Variants in SLC12A7 observed in about 807,000 individuals in gnomAD.
SLC12A7 encodes K-Cl cotransporter 4.
SLC12A7 carries 100 observed loss-of-function variants against 120.6 expected under a neutral mutation model. The observed-to-expected ratio is 0.83, with a 90% CI of 0.71 to 0.98. The LOEUF (loss-of-function observed/expected upper bound fraction) is 0.98. Ranked by LOEUF, SLC12A7 falls within the 50% of genes least tolerant of loss-of-function variation. The probability of loss-of-function intolerance (pLI) is 0.00; values close to 1 mark genes in which losing one functional copy is unlikely to be tolerated. For missense variants in SLC12A7, 1,373 were observed against 1,548.1 expected (o/e 0.89, Z 1.90); for synonymous variants, 760 against 678.0 (o/e 1.12, Z -1.88).
chr5:1,114,208 C>A (rs1052669348), upstream of SLC12A7, among the ~76,000 whole-genome samples: 1 of 152,250 alleles, frequency 6.6e-6, no homozygotes, highest in Non-Finnish European at 1.5e-5. Flanking sequence ...GACCAGGGGC[C>A]ATGGCTGAAG....
upstream of SLC12A7, among the ~76,000 whole-genome samples, chr5:1,114,329 T>C (rs567733841): frequency 1.2e-4 from 19 of 152,126 alleles, no homozygotes; most frequent in Non-Finnish European, 2.6e-4. Flanking sequence ...TCTGCTGCCT[T>C]TTGCATTCTA....
the SLC12A7 span, among the ~76,000 whole-genome samples, chr5:1,155,006 G>C: frequency 6.6e-6 from 1 of 152,210 alleles, no homozygotes; most frequent in South Asian, 2.1e-4. Flanking sequence ...CTGGCGGGGG[G>C]CACTCCATGG....
At chr5:1,099,420 G>GGAAGGCAGGCATCCT (rs1741763885) in intron 1 of SLC12A7, among the ~76,000 whole-genome samples, 1 of 142,046 alleles carries the variant, frequency 7.0e-6, no homozygotes, top group African/African-American at 3.1e-5. Flanking sequence ...CTCCTCTGGG[G>GGAAGGCAGGCATCCT]CACGGACATC....
chr5:1,079,246 C>T, intron 10 of SLC12A7, 152 bp downstream of exon 10: 1 of 636,592 alleles, frequency 1.6e-6, no homozygotes, highest in Non-Finnish European at 2.8e-6. Flanking sequence ...AGCCCTTGCC[C>T]CGTCTCCCAG....
chr5:1,056,715 GC>G, intron 22 of SLC12A7: 1 of 310,750 alleles, frequency 3.2e-6, no homozygotes, highest in Non-Finnish European at 4.7e-6. Flanking sequence ...GGGCCCAGGA[GC>G]CCCCAGCCCT....
chr5:1,109,676 AC>A (rs1164473783), intron 1 of SLC12A7, among the ~76,000 whole-genome samples: 4 of 151,892 alleles, frequency 2.6e-5, no homozygotes, highest in South Asian at 2.1e-4. Flanking sequence ...TTTCCCCAGA[AC>A]CCCCCAACCC....
intron 1 of SLC12A7, among the ~76,000 whole-genome samples, chr5:1,108,029 T>TACACACAC (rs59652318): frequency 0.011 from 1,636 of 151,462 alleles, 15 homozygotes; most frequent in African/African-American, 0.021. Flanking sequence ...AACACACACA[T>TACACACAC]ACACACACAC....
chr5:1,127,392 C>T, the SLC12A7 span, among the ~76,000 whole-genome samples: 1 of 152,222 alleles, frequency 6.6e-6, no homozygotes, highest in Non-Finnish European at 1.5e-5. Context: ...GAGGCAGAGG[C>T]TGAGGCGATG....
In SLC12A7 at chr5:1,052,342, C is replaced by G. The variant is rs750226125; in HGVS notation, c.*18G>C. 4 of 1,605,770 alleles carry G rather than the reference C, an allele frequency of 2.5e-6. No individual in the cohort carries two copies. In the African/African-American group the frequency reaches 5.4e-5, roughly 21 times the overall value. ...CGTCCTCCGTGCCTGTCCCAGAGTGCCGTGATGCTGTTGGGCATTAGGAGT... is the reference window on the plus strand; with the variant it reads ...CGTCCTCCGTGCCTGTCCCAGAGTGGCGTGATGCTGTTGGGCATTAGGAGT... On this transcript the variant is annotated 3_prime_UTR_variant, in exon 24 of 24. Coordinates refer to ENST00000264930, the MANE Select transcript of SLC12A7 (RefSeq NM_006598.3).
the SLC12A7 span, among the ~76,000 whole-genome samples, chr5:1,125,033 A>G: frequency 3.9e-5 from 6 of 152,194 alleles, no homozygotes; most frequent in Non-Finnish European, 7.3e-5. Flanking sequence ...TGAACAACCC[A>G]TAAGCAAGAC....
intron 1 of SLC12A7, among the ~76,000 whole-genome samples, chr5:1,106,593 G>A (rs1388553395): frequency 6.6e-6 from 1 of 152,224 alleles, no homozygotes; most frequent in Non-Finnish European, 1.5e-5. Context: ...CAGCTGGGGG[G>A]TCACCCTGGG....
In SLC12A7 at chr5:1,093,603, T is replaced by C. The variant is rs1401432105; in HGVS notation, c.272A>G (p.Asn91Ser). 4.3e-6 allele frequency: 7 copies of C among 1,612,904 alleles called. No homozygotes were observed. Among genetic ancestry groups the C allele is most frequent in the South Asian group, 2.2e-5 (2 of 91,030 alleles). Residue 91 changes from asparagine to serine, a missense_variant, in exon 3 of 24, where the codon AAC becomes AGC. Coordinates refer to ENST00000264930, the MANE Select transcript of SLC12A7 (RefSeq NM_006598.3). ...MVSSLLNKLANYTNLSQGVVE... is the reference protein window; with the variant it reads ...MVSSLLNKLASYTNLSQGVVE... ...CACGCCCTGGCTCAGGTTGGTGTAG[T>C]TGGCCAGCTTGTTGAGCAGCGAGGA...
At chr5:1,122,258 C>T in the SLC12A7 span, among the ~76,000 whole-genome samples, 1 of 152,128 alleles carries the variant, frequency 6.6e-6, no homozygotes, top group Non-Finnish European at 1.5e-5. Context: ...ACCAGAACCC[C>T]CGGCAGGGCT....
At chr5:1,078,627 C>T (rs1270677797) in intron 11 of SLC12A7, 74 bp downstream of exon 11, 1 of 1,281,524 alleles carries the variant, frequency 7.8e-7, no homozygotes, top group African/African-American at 1.5e-5. Context: ...GATGTAATTT[C>T]AAAGCCGAAT....
intron 1 of SLC12A7, among the ~76,000 whole-genome samples, chr5:1,104,641 C>A (rs547525831): frequency 5.5e-4 from 82 of 149,732 alleles, no homozygotes; most frequent in Middle Eastern, 6.8e-3. Context: ...CATCCCGGAC[C>A]CCAGGACCAC....
chr5:1,111,501 C>A (rs1338749640), intron 1 of SLC12A7, among the ~76,000 whole-genome samples: 3 of 152,116 alleles, frequency 2.0e-5, no homozygotes, highest in African/African-American at 7.2e-5. Context: ...CCCCGGCTCC[C>A]GAACCGCCCG....
intron 17 of SLC12A7, among the ~76,000 whole-genome samples, 170 bp from the exon 18 acceptor site, chr5:1,065,648 T>C (rs1736974950): frequency 6.6e-6 from 1 of 152,078 alleles, no homozygotes; most frequent in South Asian, 2.1e-4. Context: ...TGTGTGTGTA[T>C]GTGTGTATGT....
At chr5:1,065,262 A>G in intron 18 of SLC12A7, 21 bp downstream of exon 18, 1 of 1,533,284 alleles carries the variant, frequency 6.5e-7, no homozygotes, top group Non-Finnish European at 8.8e-7. Flanking sequence ...GGGATGCCGA[A>G]GGGCCGCCAG....
intron 20 of SLC12A7, among the ~76,000 whole-genome samples, chr5:1,063,185 C>T (rs769886025): frequency 6.6e-6 from 1 of 152,214 alleles, no homozygotes; most frequent in Middle Eastern, 3.2e-3. Context: ...AGTCTCTGTC[C>T]AGGCCCTGCC....
Sources: allele counts gnomAD v4.1 joint callset (sites outside exome capture counted in the v4.1 genomes callset), GRCh38; gene constraint gnomAD v4.1.1; transcripts MANE v1.5; gene names NCBI Gene and HGNC (gene_info 2026-07-23, HGNC 2026-07-21).